The following C11orf65 variants were observed in gnomAD, a reference collection of about 807,000 sequenced individuals.
C11orf65 encodes protein MFI.
In C11orf65, 38 loss-of-function variants were observed where a neutral mutation model predicts 35.3. That is an observed-to-expected ratio of 1.08 (90% confidence interval 0.83 to 1.41). C11orf65 has a LOEUF of 1.41. Among genes scored for constraint, C11orf65 ranks in the 40% most tolerant of loss-of-function variants. C11orf65 has a pLI of 0.00. For synonymous variants in C11orf65, 105 were observed against 114.4 expected, an observed-to-expected ratio of 0.92 and a Z score of 0.53; for missense variants, 370 against 367.1, an observed-to-expected ratio of 1.01 and a Z score of -0.06.
At chr11:108,378,163 G>A (rs1231844097), downstream of C11orf65, among the ~76,000 whole-genome samples, 23 of 149,380 alleles carry the variant, frequency 1.5e-4, no homozygotes, top group African/African-American at 3.7e-4. Context: ...AAAAGGGCCC[G>A]CATCGGCAAG....
At chr11:108,436,414 G>A (rs1257829638) in intron 2 of C11orf65, among the ~76,000 whole-genome samples, 1 of 152,200 alleles carries the variant, frequency 6.6e-6, no homozygotes, top group African/African-American at 2.4e-5. Context: ...CATAGGTAGA[G>A]TATGGTTCAG....
At chr11:108,418,858 T>C (rs1414106288) in intron 3 of C11orf65, among the ~76,000 whole-genome samples, 2 of 152,112 alleles carry the variant, frequency 1.3e-5, no homozygotes, top group Non-Finnish European at 1.5e-5. Flanking sequence ...ATAAAAAGTA[T>C]TATGAATAAT....
chr11:108,379,192 G>A (rs1025022802), downstream of C11orf65, among the ~76,000 whole-genome samples: 101 of 152,182 alleles, frequency 6.6e-4, no homozygotes, highest in Middle Eastern at 3.4e-3. Context: ...GTTTATTGCC[G>A]CACTATTCAC....
intron 2 of C11orf65, among the ~76,000 whole-genome samples, chr11:108,339,678 A>G (rs1354894295): frequency 1.3e-5 from 2 of 152,170 alleles, no homozygotes; most frequent in Non-Finnish European, 1.5e-5. Context: ...GCTGAGGTAG[A>G]AAAAAGCCAA....
intron 3 of C11orf65, among the ~76,000 whole-genome samples, chr11:108,411,804 T>G (rs1361869775): frequency 6.6e-6 from 1 of 151,870 alleles, no homozygotes; most frequent in Non-Finnish European, 1.5e-5. Context: ...TTTTTTTTTT[T>G]TGAGATGGAG....
intron 2 of C11orf65, among the ~76,000 whole-genome samples, chr11:108,374,918 G>A (rs1430621000): frequency 2.0e-5 from 3 of 152,128 alleles, no homozygotes; most frequent in Non-Finnish European, 4.4e-5. Flanking sequence ...AAAATGAAGC[G>A]AGAAGGGAAG....
chr11:108,312,528 C>T (rs765772086), intron 6 of C11orf65: 1 of 1,444,888 alleles, frequency 6.9e-7, no homozygotes, highest in African/African-American at 1.4e-5. Context: ...TTATTTATGA[C>T]AGTATTTATC....
At position 108,428,051 on chromosome 11, in the gene C11orf65, G is replaced by A. The variant is rs1373687225; in HGVS notation, c.174+3695C>T. 4.0e-5 allele frequency among the ~76,000 whole-genome samples: 6 copies of A among 151,112 alleles called. 1 individual carries two copies. The highest frequency in any genetic ancestry group is 4.2e-4 in the South Asian group (2 of 4,764). ...TCACCGTTTTAGCCGGGATGGTCTC[G>A]ATCTCCTGACCTCGTGATCCACCCG... On this transcript the variant is annotated intron_variant, in intron 3 of 8. Transcript: ENST00000393084.
intron 7 of C11orf65, among the ~76,000 whole-genome samples, chr11:108,390,408 C>T (rs2092130075): frequency 1.3e-5 from 2 of 152,114 alleles, no homozygotes; most frequent in Admixed American, 6.6e-5. Context: ...TTATGTGGAC[C>T]GAGATGCCTA....
chr11:108,444,846 T>A (rs2093225176), intron 2 of C11orf65, among the ~76,000 whole-genome samples: 1 of 152,156 alleles, frequency 6.6e-6, no homozygotes, highest in Non-Finnish European at 1.5e-5. Context: ...GGGAGTTCCC[T>A]TTCCTAGTCA....
At position 108,356,515 on chromosome 11, in the gene C11orf65, G is replaced by A. The variant is rs118052871; in HGVS notation, c.227-21223C>T. ...TGCACCATTGCCCTCCAGCCTGGGCGACAAGAGCAAGACTCTGTCTGTCTT... is the reference window on the plus strand; with the variant it reads ...TGCACCATTGCCCTCCAGCCTGGGCAACAAGAGCAAGACTCTGTCTGTCTT... On this transcript the variant is annotated intron_variant, in intron 2 of 3. Coordinates refer to the C11orf65 transcript ENST00000524755. 7.9e-5 allele frequency among the ~76,000 whole-genome samples: 11 copies of A among 139,566 alleles called. No homozygotes were observed. In the South Asian group the frequency reaches 8.9e-4, roughly 11 times the overall value. 91.6% of individuals were successfully genotyped at this position (139,566 alleles called of 152,430 possible). A position where few individuals can be genotyped will look rare whatever the true frequency, so the allele number is the denominator to read the frequency against.
chr11:108,380,591 T>C (rs1363129737), downstream of C11orf65, among the ~76,000 whole-genome samples: 1 of 152,162 alleles, frequency 6.6e-6, no homozygotes, highest in Non-Finnish European at 1.5e-5. Flanking sequence ...CTTGTGCAAT[T>C]AGCTCATCTA....
chr11:108,351,652 A>C (rs2089213428), intron 2 of C11orf65, among the ~76,000 whole-genome samples: 1 of 152,088 alleles, frequency 6.6e-6, no homozygotes, highest in African/African-American at 2.4e-5. Flanking sequence ...AGTGTCCTGG[A>C]CCTACTCAGC....
At chr11:108,372,337 G>A (rs575287184) in intron 2 of C11orf65, among the ~76,000 whole-genome samples, 1 of 152,230 alleles carries the variant, frequency 6.6e-6, no homozygotes, top group African/African-American at 2.4e-5. Flanking sequence ...GGGACTACAG[G>A]TGCCCACCAC....
At chr11:108,346,034 C>T (rs897232377) in intron 2 of C11orf65, 1 of 1,014,372 alleles carries the variant, frequency 9.9e-7, no homozygotes, top group South Asian at 1.4e-5. Context: ...TGGTTAGTAA[C>T]CAACCCATCT....
At chr11:108,440,879 G>C (rs4753842) in intron 2 of C11orf65, among the ~76,000 whole-genome samples, 62,071 of 151,994 alleles carry the variant, frequency 0.41, 13,044 homozygotes, top group Middle Eastern at 0.66. Flanking sequence ...CAAATAGGAA[G>C]AGCCCCAGTC....
chr11:108,378,976 A>G (rs1237401664), downstream of C11orf65, among the ~76,000 whole-genome samples: 1 of 152,136 alleles, frequency 6.6e-6, no homozygotes, highest in African/African-American at 2.4e-5. Context: ...GTCAGGAAAC[A>G]ACAGGTGCTG....
rs1448920485 is a variant in C11orf65, at chr11:108,431,799, A to G, written c.121T>C (p.Leu41=). The change falls in exon 3 of 9, where the codon TTA becomes CTA. Residue 41 remains leucine, a synonymous_variant. Coordinates refer to ENST00000393084, the MANE Select transcript of C11orf65 (RefSeq NM_152587.5). ...TGACGTGGTTCTCCTTGTCTTCTTAAATCAATCAGACTTTTAAAGTGTTGA... is the reference window on the plus strand; with the variant it reads ...TGACGTGGTTCTCCTTGTCTTCTTAGATCAATCAGACTTTTAAAGTGTTGA... ...IFQHFKSLID[L]RRQGEPRQIV... 1 of 1,529,550 alleles carries G rather than the reference A, an allele frequency of 6.5e-7. No homozygotes were observed. The highest frequency in any genetic ancestry group is 8.9e-7 in the Non-Finnish European group (1 of 1,124,378). The allele number at this position is 1,529,550 out of a possible 1,614,324, so 94.7% of individuals were successfully genotyped here.
intron 6 of C11orf65, among the ~76,000 whole-genome samples, chr11:108,315,614 A>C (rs1445151982): frequency 6.6e-6 from 1 of 152,170 alleles, no homozygotes; most frequent in African/African-American, 2.4e-5. Context: ...TTGAAAAAAA[A>C]ATCCACATAT....
Sources: gnomAD v4.1 joint callset for allele counts (sites outside exome capture counted in the v4.1 genomes callset) on GRCh38, gnomAD v4.1.1 for gene constraint, MANE v1.5 for transcripts, NCBI Gene and HGNC (gene_info 2026-07-23, HGNC 2026-07-21) for gene names.